The following BLOC1S2 variants were observed in gnomAD, a reference collection of about 807,000 sequenced individuals.
The protein encoded by BLOC1S2 is biogenesis of lysosomal organelles complex 1 subunit 2.
In BLOC1S2, 12 loss-of-function variants were observed where a neutral mutation model predicts 19.6. The ratio of observed to expected loss-of-function variants is 0.61; its 90% CI spans 0.39 to 0.99. The LOEUF (loss-of-function observed/expected upper bound fraction) is 0.99. Among genes scored for constraint, BLOC1S2 ranks in the 50% least tolerant of loss-of-function variants. The pLI is 0.00. For missense variants in BLOC1S2, 142 were observed against 171.0 expected (o/e 0.83, Z 0.95); for synonymous variants, 66 against 64.1 (o/e 1.03, Z -0.14).
chr10:100,277,450 G>GGGAGGTGGGGGGGTCCC (rs1847927759), intron 4 of BLOC1S2, among the ~76,000 whole-genome samples: 1 of 147,566 alleles, frequency 6.8e-6, no homozygotes, highest in African/African-American at 2.5e-5. Context: ...CCGTCCGGGA[G>GGGAGGTGGGGGGGTCCC]GGAGGTGGGG....
chr10:100,277,160 A>G (rs28645450), intron 4 of BLOC1S2, among the ~76,000 whole-genome samples: 15 of 131,104 alleles, frequency 1.1e-4, no homozygotes, highest in South Asian at 5.4e-4. Flanking sequence ...CCGCCGCCCC[A>G]TCTGGGAGGT....
chr10:100,280,129 T>G lies in BLOC1S2; in HGVS notation c.392A>C (p.Lys131Thr). ...AAYKLDAYSK[K>T]LEAKYKKLEK... The stretch of plus-strand genomic sequence containing the variant: ...ACAGAAGTAAAAACGGTTACCCAGT[T>G]TTTTTGAATATGCATCCAACTTGTA... Residue 131 changes from lysine (K) to threonine (T), a missense_variant, in exon 4 of 5, where the codon AAA becomes ACA. Physicochemically the swap from Lys to Thr is moderately conservative, Grantham distance 78. This residue lies in a region of BLOC1S2 where 94 missense variants were observed against 141.3 expected (regional missense o/e 0.67). Transcript: ENST00000370372. 8.7e-6 allele frequency: 14 copies of G among 1,612,872 alleles called. No individual in the cohort carries two copies. Among genetic ancestry groups the G allele is most frequent in the Non-Finnish European group, 1.2e-5 (14 of 1,179,458 alleles).
intron 4 of BLOC1S2, among the ~76,000 whole-genome samples, chr10:100,277,673 C>G (rs1239397829): frequency 1.7e-4 from 22 of 132,310 alleles, no homozygotes; most frequent in South Asian, 4.9e-4. Flanking sequence ...TCAGCCCCCC[C>G]GCCCGGCCAG....
intron 2 of BLOC1S2, among the ~76,000 whole-genome samples, chr10:100,285,106 A>C (rs1276705109): frequency 6.6e-6 from 1 of 152,140 alleles, no homozygotes; most frequent in Non-Finnish European, 1.5e-5. Flanking sequence ...ACAGATTCAC[A>C]ACCCCTACTA....
intron 2 of BLOC1S2, among the ~76,000 whole-genome samples, chr10:100,281,725 C>T (rs886702536): frequency 3.3e-5 from 5 of 149,778 alleles, no homozygotes; most frequent in African/African-American, 1.2e-4. Context: ...CACACACACA[C>T]ACACACACAC....
intron 2 of BLOC1S2, among the ~76,000 whole-genome samples, 180 bp downstream of exon 2, chr10:100,285,917 A>G (rs1448805320): frequency 1.3e-5 from 2 of 152,072 alleles, no homozygotes; most frequent in African/African-American, 4.8e-5. Flanking sequence ...TCATTAGTCT[A>G]TGTTACAGAG....
chr10:100,277,767 T>C (rs868138152), intron 4 of BLOC1S2, among the ~76,000 whole-genome samples: 442 of 69,110 alleles, frequency 6.4e-3, no homozygotes, highest in African/African-American at 9.8e-3. Flanking sequence ...CGCCTCTGCC[T>C]GGCCGCCCCT....
rs1400619424 is a variant in BLOC1S2, at chr10:100,286,200, C to T, written c.69G>A (p.Val23=). The T allele has an allele frequency of 6.2e-7, 1 of 1,614,062 alleles. No homozygotes were observed. Among genetic ancestry groups the T allele is most frequent in the South Asian group, 1.1e-5 (1 of 91,072 alleles). The change falls in exon 2 of 5, where the codon GTG becomes GTA. Residue 23 remains valine, a synonymous_variant. Coordinates refer to ENST00000370372, the MANE Select transcript of BLOC1S2 (RefSeq NM_173809.5). The stretch of plus-strand genomic sequence containing the variant: ...GCTCCTTTGCTTCCTCAGCTGTCTC[C>T]ACGGCGGCATCGTCTGGGCCAAGGG... ...SDEPARDDAA[V]ETAEEAKEPA...
chr10:100,283,563 A>G (rs1589652397), intron 2 of BLOC1S2, among the ~76,000 whole-genome samples: 1 of 151,852 alleles, frequency 6.6e-6, no homozygotes, highest in African/African-American at 2.4e-5. Context: ...CTGCTATCAA[A>G]TTAGTCTCTC....
rs1018843690 is a variant in BLOC1S2 at position 100,286,370 on chromosome 10, A to G, written c.56-157T>C. On this transcript the variant is annotated intron_variant, in intron 1 of 4. Transcript: ENST00000370372. ...CAAGTCCTTCACTGCGTCCCTGCCC[A>G]TCTGACACATCAACTCGCCTCCCTC... 10 of 1,457,334 alleles carry G rather than the reference A, an allele frequency of 6.9e-6. No individual in the cohort carries two copies. In the African/African-American group the frequency reaches 1.4e-4, roughly 21 times the overall value. The allele number at this position is 1,457,334 out of a possible 1,614,324, so 90.3% of individuals were successfully genotyped here.
At chr10:100,283,748 G>A (rs1848168032) in intron 2 of BLOC1S2, among the ~76,000 whole-genome samples, 4 of 152,112 alleles carry the variant, frequency 2.6e-5, no homozygotes, top group Admixed American at 2.0e-4. Context: ...GGTGGCGTGT[G>A]CTTGTAATCC....
chr10:100,279,281 TA>T (rs1848036573), intron 4 of BLOC1S2, among the ~76,000 whole-genome samples: 1 of 152,246 alleles, frequency 6.6e-6, no homozygotes, highest in South Asian at 2.1e-4. Context: ...TCTACATTAT[TA>T]AAGGTGCTTC....
At chr10:100,277,694 C>T (rs1379472329) in intron 4 of BLOC1S2, among the ~76,000 whole-genome samples, 3 of 135,660 alleles carry the variant, frequency 2.2e-5, no homozygotes, top group African/African-American at 5.6e-5. Flanking sequence ...CCGCCCCGTC[C>T]GGGAGGGAGG....
Position 100,273,945 on chromosome 10 carries a change from GT to G in BLOC1S2, c.*1516del, listed in dbSNP as rs1847788350. On this transcript the variant is annotated 3_prime_UTR_variant, in exon 5 of 5. Coordinates refer to ENST00000370372, the MANE Select transcript of BLOC1S2 (RefSeq NM_173809.5). ...AGTAGAGTTACAGTTTAATTCTTTTGTTTTTTATTTAAGAAAAATGTTTAAA... is the reference window on the plus strand; with the variant it reads ...AGTAGAGTTACAGTTTAATTCTTTTGTTTTTATTTAAGAAAAATGTTTAAA... 6.6e-6 allele frequency: 1 copy of G among 152,112 alleles called. No homozygotes were observed. The highest frequency in any genetic ancestry group is 6.6e-5 in the Admixed American group (1 of 15,266). 9.4% of individuals were successfully genotyped at this position (152,112 alleles called of 1,614,324 possible). A position where few individuals can be genotyped will look rare whatever the true frequency, so the allele number is the denominator to read the frequency against.
Position 100,275,269 on chromosome 10 carries a change from G to T in BLOC1S2, c.*193C>A. On this transcript the variant is annotated 3_prime_UTR_variant, in exon 5 of 5. Transcript: ENST00000370372. ...GGAAGTTATAAGTGTGAGATTCTGA[G>T]GGATTCTGTCTCAAAGAAGGTTCAG... The T allele has an allele frequency of 1.9e-6, 1 of 526,172 alleles. No individual in the cohort carries two copies. The allele number at this position is 526,172 out of a possible 1,614,324, so 32.6% of individuals were successfully genotyped here.
At chr10:100,276,578 T>C (rs1306206561) in intron 4 of BLOC1S2, among the ~76,000 whole-genome samples, 1 of 150,986 alleles carries the variant, frequency 6.6e-6, no homozygotes, top group African/African-American at 2.4e-5. Context: ...ACTGCTGCCA[T>C]CTCGGCTCGC....
chr10:100,284,803 A>G (rs773118851), intron 2 of BLOC1S2, among the ~76,000 whole-genome samples: 8 of 151,768 alleles, frequency 5.3e-5, no homozygotes, highest in Non-Finnish European at 1.2e-4. Context: ...ATTTTTTTAA[A>G]TAATAATAAT....
chr10:100,275,793 G>A (rs568410600), intron 4 of BLOC1S2, among the ~76,000 whole-genome samples: 1 of 152,230 alleles, frequency 6.6e-6, no homozygotes, highest in Admixed American at 6.5e-5. Flanking sequence ...GACCTATCGG[G>A]AGCCTTACTA....
chr10:100,275,534 T>G (rs756443794), intron 4 of BLOC1S2, 41 bp from the exon 5 acceptor site: 2 of 1,572,936 alleles, frequency 1.3e-6, no homozygotes, highest in African/African-American at 2.7e-5. Context: ...TAAAACTGGC[T>G]CTTACAAAGA....
Sources: allele counts gnomAD v4.1 joint callset (sites outside exome capture counted in the v4.1 genomes callset), GRCh38; gene constraint gnomAD v4.1.1; regional missense constraint gnomAD v4.1.1; transcripts MANE v1.5; gene names NCBI Gene and HGNC (gene_info 2026-07-23, HGNC 2026-07-21).